Variants in CIB1 observed in about 807,000 individuals in gnomAD.
The protein encoded by CIB1 is calcium and integrin-binding protein 1.
A neutral mutation model predicts 25.0 loss-of-function variants in CIB1; 19 were observed. The observed-to-expected ratio is 0.76, with a 90% CI of 0.53 to 1.12. CIB1 has a LOEUF of 1.12. Ranked by LOEUF, CIB1 falls within the 50% of genes most tolerant of loss-of-function variation. The pLI is 0.00. For missense variants in CIB1, 236 were observed against 242.6 expected (o/e 0.97, Z 0.18); for synonymous variants, 104 against 98.5 (o/e 1.06, Z -0.33).
chr15:90,242,626 T>G, the CIB1 span: 3 of 151,668 alleles, frequency 2.0e-5, no homozygotes, highest in African/African-American at 7.3e-5. Context: ...TTTGTATTTT[T>G]AAAAGAGAAG....
At chr15:90,263,013 AGAG>A in the CIB1 span, 1 of 1,536,116 alleles carries the variant, frequency 6.5e-7, no homozygotes, top group African/African-American at 1.4e-5. Flanking sequence ...AAATTGTGGA[AGAG>A]GAGGAGCTGG....
the CIB1 span, among the ~76,000 whole-genome samples, chr15:90,256,786 T>A: frequency 6.6e-6 from 1 of 151,968 alleles, no homozygotes; most frequent in Non-Finnish European, 1.5e-5. Context: ...CCTCCCGGGT[T>A]CAAGCAATTC....
chr15:90,235,438 TG>T (rs1962612823), upstream of CIB1, among the ~76,000 whole-genome samples: 1 of 152,028 alleles, frequency 6.6e-6, no homozygotes, highest in Non-Finnish European at 1.5e-5. Flanking sequence ...TGGTTAAACC[TG>T]GGAGCTGGAG....
chr15:90,232,678 G>A (rs952735022), intron 2 of CIB1, among the ~76,000 whole-genome samples: 7 of 152,154 alleles, frequency 4.6e-5, no homozygotes, highest in South Asian at 2.1e-4. Context: ...AGGCCAAGGC[G>A]GGCGGAGCTT....
upstream of CIB1, among the ~76,000 whole-genome samples, chr15:90,235,182 C>T (rs555440383): frequency 9.6e-3 from 1,467 of 152,256 alleles, 29 homozygotes; most frequent in African/African-American, 0.034. Context: ...GCCTAGGAAT[C>T]TACTTTACAC....
the CIB1 span, chr15:90,251,609 C>T: frequency 1.2e-5 from 19 of 1,613,288 alleles, no homozygotes; most frequent in African/African-American, 8.0e-5. Flanking sequence ...GCACCCAGCC[C>T]GTCGCTCACA....
the CIB1 span, chr15:90,256,429 G>A: frequency 1.5e-5 from 17 of 1,138,090 alleles, no homozygotes; most frequent in Middle Eastern, 2.8e-4. Flanking sequence ...CCTGGAGGCA[G>A]TATCCAGCCA....
the CIB1 span, chr15:90,262,227 T>G: frequency 6.7e-7 from 1 of 1,487,514 alleles, no homozygotes; most frequent in Non-Finnish European, 8.9e-7. Flanking sequence ...CACACCTAGG[T>G]GGGGACAAGT....
Position 90,232,438 on chromosome 15 carries a change from G to A in CIB1, c.87-111C>T, listed in dbSNP as rs1022917223. 37 of 1,439,600 alleles carry A rather than the reference G, an allele frequency of 2.6e-5. No homozygotes were observed. Among genetic ancestry groups the A allele is most frequent in the Non-Finnish European group, 3.2e-5 (35 of 1,095,312 alleles). The allele number at this position is 1,439,600 out of a possible 1,614,324, so 89.2% of individuals were successfully genotyped here. A position where few individuals can be genotyped will look rare whatever the true frequency, so the allele number is the denominator to read the frequency against. ...CAACCAGGTGAGGAGCTAAAACCACGTACACAGAACTTCCGAGTCATCAGG... is the reference window on the plus strand; with the variant it reads ...CAACCAGGTGAGGAGCTAAAACCACATACACAGAACTTCCGAGTCATCAGG... On this transcript the variant is annotated intron_variant, in intron 2 of 6. Transcript: ENST00000328649.
the CIB1 span, among the ~76,000 whole-genome samples, chr15:90,250,270 T>G: frequency 6.6e-6 from 1 of 152,144 alleles, no homozygotes; most frequent in Non-Finnish European, 1.5e-5. Context: ...CCCCCAGCAC[T>G]CACAGCCATC....
the CIB1 span, chr15:90,265,701 G>A: frequency 2.5e-6 from 4 of 1,613,212 alleles, no homozygotes; most frequent in South Asian, 4.4e-5. Flanking sequence ...CTGAAGGCTG[G>A]TTTGCGTCGA....
the CIB1 span, chr15:90,241,678 T>C: frequency 6.2e-7 from 1 of 1,614,190 alleles, no homozygotes; most frequent in East Asian, 2.2e-5. Flanking sequence ...GGCTTCCTCT[T>C]TTACACTCGT....
At chr15:90,234,870 A>G (rs1962599094), upstream of CIB1, among the ~76,000 whole-genome samples, 1 of 152,188 alleles carries the variant, frequency 6.6e-6, no homozygotes, top group Admixed American at 6.5e-5. Context: ...ATAATAAATG[A>G]ATGAACGTAT....
At chr15:90,251,413 C>T in the CIB1 span, 11 of 855,348 alleles carry the variant, frequency 1.3e-5, no homozygotes, top group African/African-American at 8.4e-5. Context: ...CATGAGCCAC[C>T]GCGCCCAGCC....
the CIB1 span, chr15:90,240,848 T>A: frequency 9.3e-7 from 1 of 1,071,384 alleles, no homozygotes; most frequent in Non-Finnish European, 1.4e-6. Context: ...ACAATGACAA[T>A]CTCTGGAGGT....
chr15:90,236,408 T>C (rs998851274), upstream of CIB1, among the ~76,000 whole-genome samples: 3 of 152,370 alleles, frequency 2.0e-5, no homozygotes, highest in Middle Eastern at 3.4e-3. Flanking sequence ...TCTAGATCTC[T>C]CAGTCACTTC....
chr15:90,250,940 G>T, the CIB1 span: 1 of 1,582,562 alleles, frequency 6.3e-7, no homozygotes, highest in South Asian at 1.2e-5. Context: ...GTCACCCATT[G>T]GCCTCCCTTC....
upstream of CIB1, among the ~76,000 whole-genome samples, chr15:90,236,818 G>A (rs1043393306): frequency 8.6e-5 from 13 of 152,042 alleles, no homozygotes; most frequent in South Asian, 8.3e-4. Flanking sequence ...CACCACGCCC[G>A]GCCTCTCATG....
At chr15:90,237,871 G>T (rs1310723926), upstream of CIB1, among the ~76,000 whole-genome samples, 1 of 152,192 alleles carries the variant, frequency 6.6e-6, no homozygotes, top group Admixed American at 6.5e-5. Context: ...TGGATTGCTT[G>T]AGTCTGGGAG....
Sources: allele counts gnomAD v4.1 joint callset (sites outside exome capture counted in the v4.1 genomes callset), GRCh38; gene constraint gnomAD v4.1.1; transcripts MANE v1.5; gene names NCBI Gene and HGNC (gene_info 2026-07-23, HGNC 2026-07-21).